Variants in GSE1 observed in about 807,000 individuals in gnomAD.
GSE1 encodes the protein Gse1 coiled-coil protein.
A neutral mutation model predicts 112.6 loss-of-function variants in GSE1; 32 were observed. That is an observed-to-expected ratio of 0.28 (90% CI 0.21 to 0.38). The LOEUF is 0.38. Among genes scored for constraint, GSE1 ranks in the 10% least tolerant of loss-of-function variants. GSE1 has a pLI of 1.00. For synonymous variants in GSE1, 1,115 were observed against 735.6 expected, an observed-to-expected ratio of 1.52 and a Z score of -8.35; for missense variants, 2,348 against 1,699.2, an observed-to-expected ratio of 1.38 and a Z score of -6.71.
rs4587957 is a variant in GSE1 at position 85,274,159 on chromosome 16, C to A, written c.2284-83304C>A. Among the ~76,000 whole-genome samples the A allele has an allele frequency of 1.4e-3, 210 of 151,042 alleles. 2 individuals are homozygous for A. The highest frequency in any genetic ancestry group is 4.9e-3 in the African/African-American group (203 of 41,156). The stretch of plus-strand genomic sequence containing the variant: ...CCAGCACTTCGGGAGGCTGAAGCGG[C>A]TGGATCACGAGGTTAGGAGTTCGAG... On this transcript the variant is annotated intron_variant, in intron 1 of 2. Coordinates refer to the GSE1 transcript ENST00000637419.
chr16:85,627,778 T>A (rs2049200210), intron 1 of GSE1, among the ~76,000 whole-genome samples: 1 of 152,096 alleles, frequency 6.6e-6, no homozygotes, highest in Non-Finnish European at 1.5e-5. Context: ...TAGACAAGAA[T>A]TCAGTCAATG....
chr16:85,627,209 C>T (rs2049156724), intron 1 of GSE1, among the ~76,000 whole-genome samples: 1 of 150,682 alleles, frequency 6.6e-6, no homozygotes, highest in Non-Finnish European at 1.5e-5. Flanking sequence ...GTCTTTGCTT[C>T]CCCAGACCTT....
intron 2 of GSE1, among the ~76,000 whole-genome samples, chr16:85,404,370 TG>T (rs2048206840): frequency 6.5e-5 from 2 of 30,978 alleles, no homozygotes; most frequent in African/African-American, 1.6e-4. Flanking sequence ...AGGGCCCCCC[TG>T]GATAATCCTC....
intron 2 of GSE1, among the ~76,000 whole-genome samples, chr16:85,384,883 T>TG (rs1408302654): frequency 1.3e-5 from 2 of 152,206 alleles, no homozygotes; most frequent in Non-Finnish European, 2.9e-5. Flanking sequence ...TTCTGCACCC[T>TG]GGGGGCCCTC....
At chr16:85,457,262 G>T (rs1455228832) in intron 2 of GSE1, among the ~76,000 whole-genome samples, 1 of 152,208 alleles carries the variant, frequency 6.6e-6, no homozygotes, top group African/African-American at 2.4e-5. Flanking sequence ...GGAACCCAGA[G>T]CAAGGAAGAT....
chr16:85,218,392 C>T, intron 1 of GSE1, among the ~76,000 whole-genome samples: 1 of 152,216 alleles, frequency 6.6e-6, no homozygotes, highest in Non-Finnish European at 1.5e-5. Context: ...AGTGCATATT[C>T]TCAGCTCCTA....
At chr16:85,235,971 G>C (rs1191162553) in intron 1 of GSE1, among the ~76,000 whole-genome samples, 1 of 143,548 alleles carries the variant, frequency 7.0e-6, no homozygotes, top group Non-Finnish European at 1.5e-5. Flanking sequence ...CCCCTCCGGC[G>C]CCGGGCCTGG....
chr16:85,552,328 C>CTTTTT (rs1195413161), upstream of GSE1, among the ~76,000 whole-genome samples: 2 of 47,746 alleles, frequency 4.2e-5, no homozygotes, highest in African/African-American at 1.3e-4. Flanking sequence ...CCCGCCCCTC[C>CTTTTT]TTTTTTTTTT....
exon 1 of GSE1, chr16:85,171,603 G>C: frequency 1.0e-6 from 1 of 985,636 alleles, no homozygotes; most frequent in Non-Finnish European, 1.2e-6. Context: ...AGAAGAAACG[G>C]TGTCTGGGGC....
chr16:85,353,243 A>G (rs1402372383), intron 1 of GSE1, among the ~76,000 whole-genome samples: 1 of 152,186 alleles, frequency 6.6e-6, no homozygotes, highest in Admixed American at 6.5e-5. Context: ...ACCCACCTCC[A>G]CACTCACTTG....
chr16:85,477,591 C>G lies in GSE1; in HGVS notation c.2464+119948C>G, dbSNP rs1245976578. Among the ~76,000 whole-genome samples, 9 of 147,224 alleles carry G rather than the reference C, an allele frequency of 6.1e-5. No homozygotes were observed. The East Asian group carries it at 1.8e-3, about 29-fold the overall frequency. ...GTTTTTTTTTTTTGAGATGGAGTCT[C>G]GCTCTGTCGCCCAGGCTGGAGTGCA... is the stretch of plus-strand genomic sequence containing the variant. On this transcript the variant is annotated intron_variant, in intron 2 of 2. Transcript: ENST00000637419.
chr16:85,474,581 G>A (rs1230838577), intron 2 of GSE1, among the ~76,000 whole-genome samples: 3 of 152,070 alleles, frequency 2.0e-5, no homozygotes, highest in African/African-American at 7.2e-5. Context: ...TGCCTGGGCT[G>A]TGTCCCCATC....
chr16:85,418,968 G>A (rs1597695294), intron 2 of GSE1, among the ~76,000 whole-genome samples: 1 of 152,344 alleles, frequency 6.6e-6, no homozygotes, highest in East Asian at 1.9e-4. Context: ...GAGCAGGTTT[G>A]GGGGTGGGAG....
At chr16:85,480,960 C>T (rs1388562011) in intron 2 of GSE1, among the ~76,000 whole-genome samples, 1 of 152,220 alleles carries the variant, frequency 6.6e-6, no homozygotes, top group Admixed American at 6.5e-5. Flanking sequence ...CGCAGGTCTT[C>T]CACCCCCTCC....
intron 2 of GSE1, among the ~76,000 whole-genome samples, chr16:85,427,635 C>G (rs939945825): frequency 3.3e-5 from 5 of 151,964 alleles, no homozygotes; most frequent in Non-Finnish European, 5.9e-5. Flanking sequence ...GAGCAGCACT[C>G]CATCTCAAAA....
intron 1 of GSE1, among the ~76,000 whole-genome samples, chr16:85,605,178 C>G (rs1047432425): frequency 3.3e-5 from 5 of 151,794 alleles, no homozygotes; most frequent in African/African-American, 1.2e-4. Flanking sequence ...GGGCCCCACC[C>G]GCTGTCCTGC....
intron 2 of GSE1, among the ~76,000 whole-genome samples, chr16:85,466,744 A>C (rs1489774850): frequency 2.6e-5 from 4 of 152,056 alleles, no homozygotes; most frequent in Non-Finnish European, 5.9e-5. Context: ...AGAGCGCACA[A>C]GAGAGCAAGA....
intron 1 of GSE1, among the ~76,000 whole-genome samples, chr16:85,217,816 G>C (rs2075329157): frequency 6.6e-6 from 1 of 152,012 alleles, no homozygotes; most frequent in Admixed American, 6.6e-5. Context: ...CCTCCTCGAA[G>C]CCCTCCCTGA....
intron 2 of GSE1, among the ~76,000 whole-genome samples, chr16:85,494,398 C>G (rs2051104891): frequency 2.6e-5 from 4 of 151,840 alleles, no homozygotes; most frequent in Non-Finnish European, 5.9e-5. Flanking sequence ...CCAAAATGAC[C>G]TTATCCTTAG....
Sources: gnomAD v4.1 joint callset for allele counts (sites outside exome capture counted in the v4.1 genomes callset) on GRCh38, gnomAD v4.1.1 for gene constraint, MANE v1.5 for transcripts, NCBI Gene and HGNC (gene_info 2026-07-23, HGNC 2026-07-21) for gene names.